SMOC1: variants seen among roughly 807,000 people sequenced by gnomAD.
SMOC1 encodes the protein SPARC-related modular calcium-binding protein 1.
Under a neutral mutation model 56.3 loss-of-function variants are expected in SMOC1, and 22 were observed. That is an observed-to-expected ratio of 0.39 (90% CI 0.28 to 0.56). The LOEUF (loss-of-function observed/expected upper bound fraction) is 0.56, where lower values mean the gene tolerates loss of function less well. Ranked by LOEUF, SMOC1 falls within the 20% of genes least tolerant of loss-of-function variation. The pLI is 0.61. For missense variants in SMOC1, 509 were observed against 565.4 expected (o/e 0.90, Z 1.01); for synonymous variants, 193 against 215.0 (o/e 0.90, Z 0.89).
intron 1 of SMOC1, among the ~76,000 whole-genome samples, chr14:69,919,742 C>T (rs1190707407): frequency 6.6e-6 from 1 of 152,184 alleles, no homozygotes; most frequent in African/African-American, 2.4e-5. Flanking sequence ...CATTCACTCT[C>T]CTGGCTGTGA....
At chr14:70,002,264 TGTGGG>T (rs1482945492) in intron 7 of SMOC1, among the ~76,000 whole-genome samples, 2 of 152,222 alleles carry the variant, frequency 1.3e-5, no homozygotes, top group Non-Finnish European at 2.9e-5. Flanking sequence ...CTGCCTATTC[TGTGGG>T]GGAAAGGGCT....
In SMOC1 at chr14:69,983,579, G is replaced by A. The variant is rs115824783; in HGVS notation, c.526+5614G>A. 5.4e-3 allele frequency among the ~76,000 whole-genome samples: 816 copies of A among 152,344 alleles called. 17 individuals carry two copies. Among genetic ancestry groups the A allele is most frequent in the African/African-American group, 0.018 (760 of 41,584 alleles). On this transcript the variant is annotated intron_variant, in intron 5 of 11. Coordinates refer to ENST00000361956, the MANE Select transcript of SMOC1 (RefSeq NM_001034852.3). ...AGGTGGCCCCTCCAAACAACCCTGT[G>A]TGGTAGCTCCTGTAGCCAGAGCCTC...
chr14:69,921,486 T>C (rs1884841088), intron 1 of SMOC1, among the ~76,000 whole-genome samples: 3 of 152,206 alleles, frequency 2.0e-5, no homozygotes, highest in Non-Finnish European at 4.4e-5. Flanking sequence ...CATCAATTCA[T>C]TCAACAAACA....
chr14:70,020,214 A>C (rs1434362869), intron 10 of SMOC1, among the ~76,000 whole-genome samples: 2 of 151,620 alleles, frequency 1.3e-5, no homozygotes, highest in African/African-American at 4.8e-5. Context: ...TTAATCTGAA[A>C]TCTGCAGACT....
intron 1 of SMOC1, among the ~76,000 whole-genome samples, chr14:69,949,406 G>T (rs1312239780): frequency 1.3e-5 from 2 of 152,232 alleles, no homozygotes; most frequent in African/African-American, 4.8e-5. Context: ...GATTGTGCTA[G>T]ATGCTCGGGG....
intron 5 of SMOC1, among the ~76,000 whole-genome samples, chr14:69,985,034 A>C (rs914206086): frequency 7.5e-6 from 1 of 133,022 alleles, no homozygotes; most frequent in Admixed American, 7.4e-5. Flanking sequence ...ACCCTGTCTC[A>C]AAAAAAGAAA....
chr14:70,012,230 A>T (rs74319353), intron 9 of SMOC1, among the ~76,000 whole-genome samples: 4,582 of 152,306 alleles, frequency 0.03, 124 homozygotes, highest in Middle Eastern at 0.11. Context: ...GAGAGTTCTA[A>T]GAGTCAGGGA....
chr14:69,951,987 G>T, intron 1 of SMOC1, 151 bp from the exon 2 acceptor site: 1 of 816,112 alleles, frequency 1.2e-6, no homozygotes. Context: ...GTTAGACTTT[G>T]TGGCTGCTCC....
At chr14:70,010,243 G>C (rs917670660) in intron 7 of SMOC1, among the ~76,000 whole-genome samples, 1 of 152,210 alleles carries the variant, frequency 6.6e-6, no homozygotes, top group South Asian at 2.1e-4. Context: ...TGCTCCTCCT[G>C]GGTGCCGAGC....
At chr14:69,885,492 T>A (rs1328592152) in intron 1 of SMOC1, 1 of 1,600,110 alleles carries the variant, frequency 6.2e-7, no homozygotes, top group Non-Finnish European at 8.5e-7. Flanking sequence ...TCCACCAGCT[T>A]AGCCAAAGCG....
At chr14:69,952,439 C>A (rs185848245) in intron 2 of SMOC1, 136 bp downstream of exon 2, 4 of 1,020,076 alleles carry the variant, frequency 3.9e-6, no homozygotes, top group African/African-American at 1.6e-5. Context: ...CCCCTTCCAC[C>A]AGGGCCAAGG....
chr14:69,992,000 A>G (rs1347297505), intron 5 of SMOC1, among the ~76,000 whole-genome samples: 1 of 152,142 alleles, frequency 6.6e-6, no homozygotes, highest in African/African-American at 2.4e-5. Flanking sequence ...GGAGCTGGGG[A>G]CACCATAATT....
At chr14:69,919,204 A>C (rs1214586786) in intron 1 of SMOC1, among the ~76,000 whole-genome samples, 1 of 152,180 alleles carries the variant, frequency 6.6e-6, no homozygotes, top group African/African-American at 2.4e-5. Flanking sequence ...TCAAGCCCAT[A>C]AAAGAGCTAC....
intron 5 of SMOC1, among the ~76,000 whole-genome samples, chr14:69,983,292 C>T (rs531087931): frequency 1.3e-5 from 2 of 152,268 alleles, no homozygotes; most frequent in South Asian, 4.1e-4. Flanking sequence ...TATTAGTAAC[C>T]ATTGATATTT....
At position 69,905,029 on chromosome 14, in the gene SMOC1, T is replaced by C. The variant is rs755562299; in HGVS notation, c.99+25252T>C. Among the ~76,000 whole-genome samples the C allele has an allele frequency of 3.2e-4, 48 of 152,242 alleles. No individual in the cohort carries two copies. In the Middle Eastern group the frequency reaches 0.01, roughly 32 times the overall value. On this transcript the variant is annotated intron_variant, in intron 1 of 11. Coordinates refer to ENST00000361956, the MANE Select transcript of SMOC1 (RefSeq NM_001034852.3). ...CGGGTTGCCTGTAATGAAGGGGGTG[T>C]TTTCTGATAGCATTCCTTTCAAATA...
intron 7 of SMOC1, among the ~76,000 whole-genome samples, chr14:70,003,353 T>A (rs1263810564): frequency 6.6e-6 from 1 of 152,144 alleles, no homozygotes; most frequent in Admixed American, 6.5e-5. Context: ...TTTAATTGAT[T>A]TTTCCCCCAA....
intron 1 of SMOC1, among the ~76,000 whole-genome samples, chr14:69,930,319 G>A (rs1025128004): frequency 6.8e-6 from 1 of 146,976 alleles, no homozygotes; most frequent in African/African-American, 2.7e-5. Context: ...TCAGCTGCCG[G>A]ATCACCTCAC....
intron 5 of SMOC1, among the ~76,000 whole-genome samples, chr14:69,981,933 GGGAA>G (rs1291724744): frequency 2.0e-5 from 3 of 152,188 alleles, no homozygotes; most frequent in Non-Finnish European, 2.9e-5. Flanking sequence ...AGTGCAAGGA[GGGAA>G]GGAAGTTCTT....
Position 69,952,958 on chromosome 14 carries a change from A to G in SMOC1, c.266-462A>G, listed in dbSNP as rs111999348. 3.7e-3 allele frequency among the ~76,000 whole-genome samples: 557 copies of G among 152,240 alleles called. 5 individuals carry two copies. The Middle Eastern group carries it at 0.048, about 13-fold the overall frequency. ...TTTATATCTTTTTCCTGAGTCCTGT[A>G]CGTATTTGAATTTGTGACCCCGGAC... On this transcript the variant is annotated intron_variant, in intron 2 of 11. Transcript: ENST00000361956.
Sources: allele counts gnomAD v4.1 joint callset (sites outside exome capture counted in the v4.1 genomes callset), GRCh38; gene constraint gnomAD v4.1.1; transcripts MANE v1.5; gene names NCBI Gene and HGNC (gene_info 2026-07-23, HGNC 2026-07-21).